CTNND2: variants seen among roughly 807,000 people sequenced by gnomAD.
CTNND2 encodes catenin delta-2.
A neutral mutation model predicts 144.4 loss-of-function variants in CTNND2; 22 were observed. That is an observed-to-expected ratio of 0.15 (90% CI 0.11 to 0.22). The LOEUF (loss-of-function observed/expected upper bound fraction) is 0.22. CTNND2 is among the 10% of genes least tolerant of loss of function. The pLI, the probability that CTNND2 is intolerant of heterozygous loss-of-function variation, is 1.00. For synonymous variants in CTNND2, 751 were observed against 695.6 expected, an observed-to-expected ratio of 1.08 and a Z score of -1.25; for missense variants, 1,353 against 1,618.8, an observed-to-expected ratio of 0.84 and a Z score of 2.82.
chr5:11,089,302 A>G (rs1750513445), intron 15 of CTNND2, among the ~76,000 whole-genome samples: 1 of 152,208 alleles, frequency 6.6e-6, no homozygotes, highest in Admixed American at 6.5e-5. Context: ...CAATCATGGA[A>G]CCCTAGCCCT....
intron 1 of CTNND2, among the ~76,000 whole-genome samples, chr5:11,867,775 A>G (rs1288394573): frequency 1.3e-5 from 2 of 152,122 alleles, no homozygotes; most frequent in Non-Finnish European, 2.9e-5. Context: ...ACTTTGGCAG[A>G]TCACTGTAAT....
At chr5:11,771,619 C>T (rs1404289336) in intron 1 of CTNND2, among the ~76,000 whole-genome samples, 2 of 151,972 alleles carry the variant, frequency 1.3e-5, no homozygotes, top group East Asian at 1.9e-4. Context: ...CATTGTAGAC[C>T]TCACTTAATA....
At chr5:11,769,353 T>A (rs988990148) in intron 1 of CTNND2, among the ~76,000 whole-genome samples, 12 of 152,200 alleles carry the variant, frequency 7.9e-5, no homozygotes, top group Non-Finnish European at 1.8e-4. Context: ...CTTGAATTTA[T>A]AATTAACTAC....
rs112639425 is a variant in CTNND2, at chr5:11,305,191, C to T, written c.1628+41181G>A. Among the ~76,000 whole-genome samples, 581 of 151,962 alleles carry T rather than the reference C, an allele frequency of 3.8e-3. 3 individuals are homozygous for T. The highest frequency in any genetic ancestry group is 0.014 in the African/African-American group (562 of 41,226). ...AACTCCTTTCATCTTAAGCACCACC[C>T]GACAGGGCAGGTACTATTACCATCT... On this transcript the variant is annotated intron_variant, in intron 9 of 21. Coordinates refer to ENST00000304623, the MANE Select transcript of CTNND2 (RefSeq NM_001332.4).
chr5:11,722,805 G>A (rs1317771453), intron 2 of CTNND2, among the ~76,000 whole-genome samples: 1 of 152,062 alleles, frequency 6.6e-6, no homozygotes, highest in Non-Finnish European at 1.5e-5. Flanking sequence ...GGGGATTATG[G>A]GAACTACAAT....
chr5:11,742,657 ATCC>A (rs1788081723), intron 1 of CTNND2, among the ~76,000 whole-genome samples: 1 of 152,212 alleles, frequency 6.6e-6, no homozygotes, highest in African/African-American at 2.4e-5. Context: ...GCATTAGAAC[ATCC>A]CAGGTATTGT....
chr5:11,825,155 G>C (rs1793532012), intron 1 of CTNND2, among the ~76,000 whole-genome samples: 1 of 152,098 alleles, frequency 6.6e-6, no homozygotes, highest in Non-Finnish European at 1.5e-5. Context: ...ATTCAGAAAT[G>C]ATGCAAGTAT....
intron 2 of CTNND2, among the ~76,000 whole-genome samples, chr5:11,729,287 GT>G (rs771741787): frequency 1.0e-3 from 155 of 151,420 alleles, no homozygotes; most frequent in Non-Finnish European, 1.2e-3. Flanking sequence ...GTTTGGCTGT[GT>G]CCCCACCCAA....
chr5:11,125,638 C>A (rs1348191847), intron 12 of CTNND2, among the ~76,000 whole-genome samples: 2 of 152,138 alleles, frequency 1.3e-5, no homozygotes, highest in African/African-American at 2.4e-5. Context: ...GTTACCAGCA[C>A]CCCACAGGAA....
At chr5:11,091,416 T>C (rs2149653407) in intron 15 of CTNND2, among the ~76,000 whole-genome samples, 1 of 152,358 alleles carries the variant, frequency 6.6e-6, no homozygotes, top group East Asian at 1.9e-4. Flanking sequence ...TAATTGCTTA[T>C]TTGATAATTT....
In CTNND2 at chr5:11,422,220, T is replaced by G. The variant is rs183423077; in HGVS notation, c.288-10151A>C. 2.4e-4 allele frequency among the ~76,000 whole-genome samples: 34 copies of G among 142,604 alleles called. 1 individual carries two copies. The highest frequency in any genetic ancestry group is 9.6e-4 in the African/African-American group (34 of 35,480). 93.6% of individuals were successfully genotyped at this position (142,604 alleles called of 152,430 possible). On this transcript the variant is annotated intron_variant, in intron 3 of 21. Coordinates refer to ENST00000304623, the MANE Select transcript of CTNND2 (RefSeq NM_001332.4). The stretch of plus-strand genomic sequence containing the variant: ...GTAGAATTTATATTGTCTACCTTTT[T>G]TTCCCCCACGCTAAAATGGAGAAGA...
intron 1 of CTNND2, among the ~76,000 whole-genome samples, chr5:11,756,234 T>C (rs1452647993): frequency 4.0e-5 from 6 of 151,644 alleles, no homozygotes; most frequent in African/African-American, 7.3e-5. Context: ...TTCAAGAATA[T>C]AGAAAATTTT....
intron 1 of CTNND2, among the ~76,000 whole-genome samples, chr5:11,822,459 A>C (rs1403913638): frequency 6.6e-6 from 1 of 152,196 alleles, no homozygotes; most frequent in Non-Finnish European, 1.5e-5. Flanking sequence ...GGTATGTGTA[A>C]CAAATGAGTA....
intron 12 of CTNND2, among the ~76,000 whole-genome samples, chr5:11,126,947 T>C (rs912501127): frequency 6.6e-6 from 1 of 152,204 alleles, no homozygotes; most frequent in African/African-American, 2.4e-5. Context: ...TGCGTACTTT[T>C]AGATGCAAAG....
intron 3 of CTNND2, among the ~76,000 whole-genome samples, chr5:11,516,018 G>A (rs1324878042): frequency 1.3e-5 from 2 of 151,964 alleles, no homozygotes; most frequent in Non-Finnish European, 2.9e-5. Flanking sequence ...CGTTGGGGGA[G>A]ACTGCTTGAG....
At chr5:11,127,302 C>G (rs777176736) in intron 12 of CTNND2, among the ~76,000 whole-genome samples, 8 of 152,202 alleles carry the variant, frequency 5.3e-5, no homozygotes, top group Non-Finnish European at 1.0e-4. Flanking sequence ...TGGATTGCTG[C>G]AAATCCTGGG....
At chr5:11,296,094 A>AGAG (rs1465431502) in intron 9 of CTNND2, among the ~76,000 whole-genome samples, 1 of 130,850 alleles carries the variant, frequency 7.6e-6, no homozygotes. Context: ...TCTGACAAGT[A>AGAG]CTAATATCCA....
intron 1 of CTNND2, among the ~76,000 whole-genome samples, chr5:11,767,742 G>C (rs1789679045): frequency 6.6e-6 from 1 of 152,128 alleles, no homozygotes; most frequent in Non-Finnish European, 1.5e-5. Context: ...TGAAGAAGAG[G>C]CAGAGGCAGT....
At chr5:11,375,638 T>C (rs1305188192) in intron 7 of CTNND2, among the ~76,000 whole-genome samples, 1 of 152,214 alleles carries the variant, frequency 6.6e-6, no homozygotes, top group Non-Finnish European at 1.5e-5. Flanking sequence ...AATTTTCTAG[T>C]TGAATACAAA....
Sources: allele counts gnomAD v4.1 joint callset (sites outside exome capture counted in the v4.1 genomes callset), GRCh38; gene constraint gnomAD v4.1.1; transcripts MANE v1.5; gene names NCBI Gene and HGNC (gene_info 2026-07-23, HGNC 2026-07-21).